The following SRGAP2 variants were observed in gnomAD, a reference collection of about 807,000 sequenced individuals.
SRGAP2 encodes the protein SLIT-ROBO Rho GTPase activating protein 2, also known as SLIT-ROBO Rho GTPase-activating protein 2.
SRGAP2 carries 15 observed loss-of-function variants against 57.2 expected under a neutral mutation model. That is an observed-to-expected ratio of 0.26 (90% CI 0.18 to 0.40). The LOEUF (loss-of-function observed/expected upper bound fraction) is 0.40. Ranked by LOEUF, SRGAP2 falls within the 10% of genes least tolerant of loss-of-function variation. SRGAP2 has a pLI of 1.00. For synonymous variants in SRGAP2, 249 were observed against 248.0 expected (o/e 1.00, Z -0.04); for missense variants, 520 against 669.6 (o/e 0.78, Z 2.47).
At chr1:206,394,406 G>A (rs1435396660) in intron 7 of SRGAP2, among the ~76,000 whole-genome samples, 1 of 152,112 alleles carries the variant, frequency 6.6e-6, no homozygotes, top group Non-Finnish European at 1.5e-5. Context: ...AGAAGTGAGT[G>A]GCAAGAACTT....
At chr1:206,412,684 T>G (rs1659323516) in intron 10 of SRGAP2, among the ~76,000 whole-genome samples, 1 of 152,012 alleles carries the variant, frequency 6.6e-6, no homozygotes, top group Admixed American at 6.5e-5. Context: ...ATTCTTCCCT[T>G]GCATTCTTCA....
At chr1:206,303,888 T>TCTCTCA (rs1232915669) in intron 3 of SRGAP2, among the ~76,000 whole-genome samples, 15 of 138,368 alleles carry the variant, frequency 1.1e-4, no homozygotes, top group Non-Finnish European at 1.7e-4. Flanking sequence ...TCTCTCTCTC[T>TCTCTCA]CACACACACA....
chr1:206,322,521 A>T (rs1268632213), intron 3 of SRGAP2, among the ~76,000 whole-genome samples: 1 of 148,576 alleles, frequency 6.7e-6, no homozygotes, highest in Non-Finnish European at 1.5e-5. Context: ...TGGAGCTTGC[A>T]GTGAGCCGAG....
chr1:206,428,154 C>T (rs1482870612), intron 13 of SRGAP2, among the ~76,000 whole-genome samples: 1 of 152,054 alleles, frequency 6.6e-6, no homozygotes, highest in Non-Finnish European at 1.5e-5. Flanking sequence ...TGGTGACTCA[C>T]GCCTGTAATC....
At chr1:206,314,291 C>T (rs143333657) in intron 3 of SRGAP2, among the ~76,000 whole-genome samples, 188 of 152,070 alleles carry the variant, frequency 1.2e-3, no homozygotes, top group African/African-American at 4.4e-3. Flanking sequence ...TGCGCCACGA[C>T]GCCAGGCTAA....
At chr1:206,338,095 C>T (rs1275176539) in intron 3 of SRGAP2, among the ~76,000 whole-genome samples, 1 of 135,868 alleles carries the variant, frequency 7.4e-6, no homozygotes. Flanking sequence ...TCCGGGTCTC[C>T]TTTCGACTCC....
intron 2 of SRGAP2, among the ~76,000 whole-genome samples, chr1:206,244,811 A>G (rs1159138764): frequency 6.7e-6 from 1 of 148,702 alleles, no homozygotes; most frequent in Non-Finnish European, 1.5e-5. Context: ...AAGAAAAGAC[A>G]TTTTTTTTTT....
At chr1:206,206,189 C>T (rs1303170539) in intron 2 of SRGAP2, 152 bp downstream of exon 2, 29 of 537,928 alleles carry the variant, frequency 5.4e-5, no homozygotes, top group Middle Eastern at 5.0e-4. Context: ...GTCTGAACCT[C>T]CAAAGGATGG....
intron 2 of SRGAP2, among the ~76,000 whole-genome samples, chr1:206,286,539 G>C (rs1488448470): frequency 6.7e-6 from 1 of 149,230 alleles, no homozygotes; most frequent in Non-Finnish European, 1.5e-5. Flanking sequence ...GATCAGCAGG[G>C]AACAAAGTGA....
chr1:206,254,848 G>A (rs1213003617), intron 2 of SRGAP2, among the ~76,000 whole-genome samples: 4 of 151,486 alleles, frequency 2.6e-5, no homozygotes, highest in Non-Finnish European at 4.4e-5. Flanking sequence ...ATGTAGTTCT[G>A]CCTCACTCTT....
At chr1:206,369,860 AG>A (rs1351583472) in intron 4 of SRGAP2, among the ~76,000 whole-genome samples, 1 of 152,080 alleles carries the variant, frequency 6.6e-6, no homozygotes, top group Non-Finnish European at 1.5e-5. Context: ...CCAAAACTTA[AG>A]CATAGAATTA....
intron 7 of SRGAP2, among the ~76,000 whole-genome samples, 184 bp from the exon 8 acceptor site, chr1:206,401,237 T>C (rs11119418): frequency 0.089 from 13,524 of 152,104 alleles, 1,282 homozygotes; most frequent in African/African-American, 0.24. Context: ...TGTGTTTAAC[T>C]GTTGAATTGG....
chr1:206,290,519 G>A (rs1671252174), intron 2 of SRGAP2, among the ~76,000 whole-genome samples: 1 of 151,108 alleles, frequency 6.6e-6, no homozygotes, highest in Non-Finnish European at 1.5e-5. Context: ...GCAGGTGCCT[G>A]TAATCCCAGC....
At chr1:206,404,552 G>A (rs1252491741) in intron 8 of SRGAP2, among the ~76,000 whole-genome samples, 1 of 148,308 alleles carries the variant, frequency 6.7e-6, no homozygotes, top group Admixed American at 6.7e-5. Flanking sequence ...ATCTCCAATG[G>A]GAGACAGTGG....
chr1:206,414,949 A>G (rs1324941679), intron 10 of SRGAP2, among the ~76,000 whole-genome samples: 3 of 152,190 alleles, frequency 2.0e-5, no homozygotes, highest in Non-Finnish European at 4.4e-5. Flanking sequence ...ACCATGATGG[A>G]TGGGGCATTT....
intron 18 of SRGAP2, among the ~76,000 whole-genome samples, chr1:206,447,515 GGAACCTATGCT>G (rs1163761332): frequency 2.0e-5 from 3 of 152,184 alleles, no homozygotes; most frequent in Non-Finnish European, 4.4e-5. Flanking sequence ...CCAAGCTGGA[GGAACCTATGCT>G]GGCCAGCTGG....
intron 13 of SRGAP2, among the ~76,000 whole-genome samples, chr1:206,427,280 G>A (rs956757954): frequency 6.6e-6 from 1 of 152,232 alleles, no homozygotes; most frequent in Admixed American, 6.5e-5. Context: ...GTGGAACCCA[G>A]TTTCTTCCTT....
In SRGAP2 at chr1:206,360,656, A is replaced by C. The variant is rs147170613; in HGVS notation, c.423+17648A>C. 7.7e-4 allele frequency among the ~76,000 whole-genome samples: 117 copies of C among 152,338 alleles called. 1 individual carries two copies. The Middle Eastern group carries it at 0.014, about 18-fold the overall frequency. On this transcript the variant is annotated intron_variant, in intron 4 of 22. Transcript: ENST00000573034. ...TGCTTGATTGATATGGTGTATGAAA[A>C]AAATAGCAGTCGAAGATGACCCCAA... is the stretch of plus-strand genomic sequence containing the variant.
intron 2 of SRGAP2, among the ~76,000 whole-genome samples, chr1:206,220,761 C>A (rs555979813): frequency 6.6e-6 from 1 of 152,250 alleles, no homozygotes; most frequent in East Asian, 1.9e-4. Context: ...GGGTTCTCAG[C>A]AACTTGGGAA....
Sources: gnomAD v4.1 joint callset for allele counts (sites outside exome capture counted in the v4.1 genomes callset) on GRCh38, gnomAD v4.1.1 for gene constraint, MANE v1.5 for transcripts, NCBI Gene and HGNC (gene_info 2026-07-23, HGNC 2026-07-21) for gene names.